The following ZNF695 variants were observed in gnomAD, a reference collection of about 807,000 sequenced individuals.
ZNF695 encodes the protein zinc finger protein SBZF3.
A neutral mutation model predicts 11.2 loss-of-function variants in ZNF695; 11 were observed. That is an observed-to-expected ratio of 0.98 (90% CI 0.62 to 1.62). The LOEUF is 1.62. Among genes scored for constraint, ZNF695 ranks in the 40% most tolerant of loss-of-function variants. ZNF695 has a pLI of 0.00. For missense variants in ZNF695, 559 were observed against 590.5 expected (o/e 0.95, Z 0.55); for synonymous variants, 190 against 201.4 (o/e 0.94, Z 0.48).
intron 5 of ZNF695, among the ~76,000 whole-genome samples, chr1:246,946,337 C>T (rs537436414): frequency 1.4e-4 from 22 of 152,186 alleles, no homozygotes; most frequent in African/African-American, 4.6e-4. Flanking sequence ...AAAGCCTTTG[C>T]CTGTTCTTGC....
chr1:246,945,707 C>T (rs1269427631), exon 6 of ZNF695: 12 of 1,395,312 alleles, frequency 8.6e-6, no homozygotes, highest in Non-Finnish European at 1.2e-5. Flanking sequence ...AGAACTCGGG[C>T]TGACGCAGCT....
At chr1:246,961,832 T>C (rs1047203708) in intron 5 of ZNF695, among the ~76,000 whole-genome samples, 10 of 152,160 alleles carry the variant, frequency 6.6e-5, no homozygotes, top group African/African-American at 1.9e-4. Context: ...ATCATTGACT[T>C]CAGTGTTCAC....
rs558732698 is a variant in ZNF695 at position 246,986,357 on chromosome 1, C to T, written c.*610G>A. On this transcript the variant is annotated 3_prime_UTR_variant, in exon 4 of 4. Transcript: ENST00000339986. ...TGCAGCAACTATAGGAAAGAGCCAC[C>T]GTGCCTGGCACCAAAAGGTATACTT... 1.5e-4 allele frequency: 143 copies of T among 985,220 alleles called. 1 individual carries two copies. The highest frequency in any genetic ancestry group is 3.4e-4 in the East Asian group (3 of 8,818). The allele number at this position is 985,220 out of a possible 1,614,324, so 61.0% of individuals were successfully genotyped here.
At position 246,990,976 on chromosome 1, in the gene ZNF695, A is replaced by G. The variant is rs149047911; in HGVS notation, c.260-2721T>C. 7.2e-4 allele frequency among the ~76,000 whole-genome samples: 110 copies of G among 152,306 alleles called. No individual in the cohort carries two copies. In the East Asian group the frequency reaches 0.019, roughly 26 times the overall value. Reference sequence around the variant, plus strand: ...AAAAGCAGTACAAACAGGGAAGTTTATAGTTACAAGTGCCTACATCAAAAA... The same window carrying G: ...AAAAGCAGTACAAACAGGGAAGTTTGTAGTTACAAGTGCCTACATCAAAAA... On this transcript the variant is annotated intron_variant, in intron 3 of 3. Coordinates refer to ENST00000339986, the MANE Select transcript of ZNF695 (RefSeq NM_020394.5).
At chr1:247,006,968 C>A (rs2642955) in intron 1 of ZNF695, among the ~76,000 whole-genome samples, 2,478 of 152,260 alleles carry the variant, frequency 0.016, 68 homozygotes, top group African/African-American at 0.057. Flanking sequence ...CTTAACCAAC[C>A]ACTAAATGCT....
intron 5 of ZNF695, among the ~76,000 whole-genome samples, chr1:246,966,370 AC>A (rs1329882463): frequency 6.6e-6 from 1 of 152,124 alleles, no homozygotes; most frequent in African/African-American, 2.4e-5. Context: ...AATCCCAGCT[AC>A]TTGGGAGGCT....
intron 1 of ZNF695, among the ~76,000 whole-genome samples, chr1:247,007,401 C>G (rs1669570224): frequency 7.0e-6 from 1 of 143,376 alleles, no homozygotes; most frequent in South Asian, 2.1e-4. Context: ...GAGGCTGAGG[C>G]AGGAGAATCG....
At position 247,007,910 on chromosome 1, in the gene ZNF695, T is replaced by C; in HGVS notation, c.-2A>G. On this transcript the variant is annotated 5_prime_UTR_variant, in exon 1 of 4. Transcript: ENST00000339986. ...CACCCTGCTCCGCACACTCACCATT[T>C]CCCAGCTTTTGGGGGTCCCAGCGTC... 1 of 1,532,606 alleles carries C rather than the reference T, an allele frequency of 6.5e-7. No individual in the cohort carries two copies. The highest frequency in any genetic ancestry group is 1.8e-5 in the Admixed American group (1 of 54,156). The allele number at this position is 1,532,606 out of a possible 1,614,324, so 94.9% of individuals were successfully genotyped here.
intron 4 of ZNF695, among the ~76,000 whole-genome samples, chr1:246,970,577 G>A (rs972065761): frequency 2.6e-5 from 4 of 152,200 alleles, no homozygotes; most frequent in African/African-American, 9.7e-5. Context: ...CATGTATAAG[G>A]TGAAACTCAC....
chr1:246,969,050 C>A (rs1668358260), intron 4 of ZNF695: 1 of 152,228 alleles, frequency 6.6e-6, no homozygotes, highest in Admixed American at 6.5e-5. Context: ...TTTACTTACA[C>A]AAATTTTTGC....
rs140839675 is a variant in ZNF695, at chr1:246,964,472, C to T, written c.488+3223G>A. ...TCAGAACAAAAGATTCTCCTAACGC[C>T]CCTATTACTCAGGAAATTAAAGGGT... On this transcript the variant is annotated intron_variant, in intron 5 of 5. Transcript: ENST00000487338. Among the ~76,000 whole-genome samples, 413 of 152,318 alleles carry T rather than the reference C, an allele frequency of 2.7e-3. 4 individuals carry two copies. Among genetic ancestry groups the T allele is most frequent in the African/African-American group, 9.6e-3 (398 of 41,568 alleles).
At chr1:246,960,263 T>G (rs55690615) in intron 5 of ZNF695, among the ~76,000 whole-genome samples, 12,712 of 151,934 alleles carry the variant, frequency 0.084, 997 homozygotes, top group African/African-American at 0.2. Flanking sequence ...GGAACACTAA[T>G]ATATTTAGAG....
intron 5 of ZNF695, among the ~76,000 whole-genome samples, chr1:246,948,251 T>C (rs1378834662): frequency 6.6e-6 from 1 of 152,016 alleles, no homozygotes; most frequent in Admixed American, 6.6e-5. Context: ...TTTTTGTATT[T>C]TTAGTAGAGA....
intron 5 of ZNF695, among the ~76,000 whole-genome samples, chr1:246,958,178 C>A (rs1440745406): frequency 1.3e-5 from 2 of 151,876 alleles, no homozygotes; most frequent in African/African-American, 4.8e-5. Flanking sequence ...CCTGCCTCAG[C>A]CTCCCGAGTA....
At chr1:246,993,269 T>C (rs1242028197) in intron 3 of ZNF695, among the ~76,000 whole-genome samples, 1 of 152,026 alleles carries the variant, frequency 6.6e-6, no homozygotes, top group Non-Finnish European at 1.5e-5. Flanking sequence ...TAGCCAGGCA[T>C]AGTGGCACGT....
intron 4 of ZNF695, among the ~76,000 whole-genome samples, chr1:246,971,768 A>C (rs1668433302): frequency 6.6e-6 from 1 of 152,200 alleles, no homozygotes; most frequent in Admixed American, 6.5e-5. Flanking sequence ...TTCTAGTATA[A>C]CTATTCTTAT....
intron 1 of ZNF695, among the ~76,000 whole-genome samples, chr1:247,004,323 A>G (rs903205384): frequency 6.6e-6 from 1 of 152,224 alleles, no homozygotes; most frequent in Non-Finnish European, 1.5e-5. Context: ...TCATATTAAC[A>G]GAATGAAGGA....
At chr1:246,998,081 T>A (rs1669260045) in intron 3 of ZNF695, among the ~76,000 whole-genome samples, 2 of 152,254 alleles carry the variant, frequency 1.3e-5, no homozygotes, top group Admixed American at 6.5e-5. Context: ...GATGTGTTCA[T>A]TAGCTTAACT....
chr1:246,951,121 G>A (rs1005320227), intron 5 of ZNF695, among the ~76,000 whole-genome samples: 3 of 151,930 alleles, frequency 2.0e-5, no homozygotes, highest in Non-Finnish European at 4.4e-5. Flanking sequence ...TGGAGGCACC[G>A]AGACACCCTC....
Sources: gnomAD v4.1 joint callset for allele counts (sites outside exome capture counted in the v4.1 genomes callset) on GRCh38, gnomAD v4.1.1 for gene constraint, MANE v1.5 for transcripts, NCBI Gene and HGNC (gene_info 2026-07-23, HGNC 2026-07-21) for gene names.